Variants in P2RY8 observed in about 807,000 individuals in gnomAD.
P2RY8 encodes P2Y receptor family member 8.
P2RY8 carries 6 observed loss-of-function variants against 10.0 expected under a neutral mutation model. That is an observed-to-expected ratio of 0.60 (90% CI 0.33 to 1.19). P2RY8 has a LOEUF of 1.19. P2RY8 is among the 50% of genes most tolerant of loss of function. The probability of loss-of-function intolerance (pLI) is 0.04; values close to 1 mark genes in which losing one functional copy is unlikely to be tolerated. For synonymous variants in P2RY8, 276 were observed against 252.5 expected (o/e 1.09, Z -0.88); for missense variants, 456 against 542.0 (o/e 0.84, Z 1.58).
chrX:1,493,622 A>C (rs1163963004), intron 1 of P2RY8, among the ~76,000 whole-genome samples: 1 of 152,142 alleles, frequency 6.6e-6, no homozygotes, highest in Non-Finnish European at 1.5e-5. Context: ...AAAGCCAAAG[A>C]CAGGTGTGAA....
rs1173506706 is a variant in P2RY8 at position 1,465,461 on chromosome X, A to G, written c.*18T>C. 1 of 1,581,252 alleles carries G rather than the reference A, an allele frequency of 6.3e-7. No homozygotes were observed. The highest frequency in any genetic ancestry group is 1.1e-5 in the South Asian group (1 of 87,438). Reference sequence around the variant, plus strand: ...CTCCAAGCTGCGCCCCCGGCTCTCCAAGCTGCGCCCCCGGGACTCAGAACA... The same window carrying G: ...CTCCAAGCTGCGCCCCCGGCTCTCCGAGCTGCGCCCCCGGGACTCAGAACA... On this transcript the variant is annotated 3_prime_UTR_variant, in exon 2 of 2. Coordinates refer to ENST00000381297, the MANE Select transcript of P2RY8 (RefSeq NM_178129.5).
At chrX:1,491,331 A>G (rs2092047349) in intron 1 of P2RY8, among the ~76,000 whole-genome samples, 1 of 152,260 alleles carries the variant, frequency 6.6e-6, no homozygotes, top group Non-Finnish European at 1.5e-5. Flanking sequence ...TTAATGAATG[A>G]CATCCGGGGA....
At chrX:1,466,616 G>C in intron 1 of P2RY8, 34 bp from the exon 2 acceptor site, 2 of 1,539,268 alleles carry the variant, frequency 1.3e-6, no homozygotes, top group South Asian at 2.4e-5. Flanking sequence ...GTACGGGTCA[G>C]GGGCGCAGGT....
At chrX:1,532,526 A>G (rs35221651) in intron 1 of P2RY8, among the ~76,000 whole-genome samples, 12,315 of 150,004 alleles carry the variant, frequency 0.082, 710 homozygotes, top group Middle Eastern at 0.14. Flanking sequence ...TATGATGTGT[A>G]TATATATATA....
chrX:1,481,558 T>TTTAGGAGAGTCCAGCTTTGGGA (rs764703699), intron 1 of P2RY8, among the ~76,000 whole-genome samples: 2 of 142,896 alleles, frequency 1.4e-5, no homozygotes, highest in Non-Finnish European at 3.0e-5. Context: ...CAGCTTTGGG[T>TTTAGGAGAGTCCAGCTTTGGGA]TTAGGAGAGT....
At chrX:1,466,679 C>CG (rs1175635404) in intron 1 of P2RY8, 97 bp from the exon 2 acceptor site, 3 of 1,212,638 alleles carry the variant, frequency 2.5e-6, no homozygotes, top group Admixed American at 2.5e-5. Flanking sequence ...GGGACCAAGG[C>CG]GGGGGAGATG....
At position 1,477,034 on chromosome X, in the gene P2RY8, C is replaced by G. The variant is rs749354426; in HGVS notation, c.-24-10452G>C. Among the ~76,000 whole-genome samples, 533 of 151,758 alleles carry G rather than the reference C, an allele frequency of 3.5e-3. 1 individual carries two copies. Among genetic ancestry groups the G allele is most frequent in the African/African-American group, 0.012 (508 of 41,360 alleles). On this transcript the variant is annotated intron_variant, in intron 1 of 1. Transcript: ENST00000381297. ...TGAAGCCCCGTCTCTACTCAAAATA[C>G]AAAAACTAGCCAGGTGTGGTGGCGG...
At chrX:1,473,684 ATGAG>A (rs2091830897) in intron 1 of P2RY8, among the ~76,000 whole-genome samples, 2 of 76,096 alleles carry the variant, frequency 2.6e-5, no homozygotes, top group South Asian at 4.3e-4. Flanking sequence ...GGATGTATAG[ATGAG>A]TAGGTGGATG....
rs1387248879 is a variant in P2RY8, at chrX:1,530,153, GTATGATCTATCTATCTATCTATC to G, written c.-25+6745_-25+6767del. On this transcript the variant is annotated intron_variant, in intron 1 of 1. Coordinates refer to ENST00000381297, the MANE Select transcript of P2RY8 (RefSeq NM_178129.5). Reference sequence around the variant, plus strand: ...TGTATGTATGTATGTATGTATGTATGTATGATCTATCTATCTATCTATCTATCTATCTATCTATCTATCTATCT... The same window carrying G: ...TGTATGTATGTATGTATGTATGTATGTATCTATCTATCTATCTATCTATCT... 6.7e-3 allele frequency among the ~76,000 whole-genome samples: 266 copies of G among 39,536 alleles called. 4 individuals are homozygous for G. The highest frequency in any genetic ancestry group is 0.015 in the East Asian group (12 of 806). 25.9% of individuals were successfully genotyped at this position (39,536 alleles called of 152,430 possible). A position where few individuals can be genotyped will look rare whatever the true frequency, so the allele number is the denominator to read the frequency against.
rs1289493642 is a variant in P2RY8, at chrX:1,465,509, G to A, written c.1050C>T (p.Pro350=). 7 of 1,609,386 alleles carry A rather than the reference G, an allele frequency of 4.3e-6. No homozygotes were observed. Among genetic ancestry groups the A allele is most frequent in the African/African-American group, 1.3e-5 (1 of 74,820 alleles). The change falls in exon 2 of 2, where the codon CCC becomes CCT. Residue 350 remains proline (P), a synonymous_variant. Transcript: ENST00000381297. ...HPEGMEGATR[P]GLQRQESVF is the part of the protein sequence containing the mutation. ...ACACACTCTCCTGCCTCTGGAGGCC[G>A]GGCCTGGTGGCTCCCTCCATCCCTT...
intron 1 of P2RY8, among the ~76,000 whole-genome samples, chrX:1,469,864 A>G (rs1377981646): frequency 1.3e-5 from 2 of 152,014 alleles, no homozygotes; most frequent in Non-Finnish European, 2.9e-5. Context: ...GCACCACTGT[A>G]CTCCATCCAG....
intron 1 of P2RY8, among the ~76,000 whole-genome samples, chrX:1,521,974 T>G (rs749117091): frequency 9.6e-6 from 1 of 104,240 alleles, no homozygotes; most frequent in Admixed American, 9.6e-5. Context: ...TTTTTTGAGA[T>G]GGAGTTTTGC....
chrX:1,488,887 G>T (rs1207753958), intron 1 of P2RY8, among the ~76,000 whole-genome samples: 1 of 152,124 alleles, frequency 6.6e-6, no homozygotes, highest in African/African-American at 2.4e-5. Context: ...TTATGCAAAT[G>T]TGGAGGGAAT....
intron 1 of P2RY8, among the ~76,000 whole-genome samples, chrX:1,517,557 G>T (rs2092360489): frequency 6.6e-6 from 1 of 152,152 alleles, no homozygotes; most frequent in African/African-American, 2.4e-5. Context: ...TGAGGGCTCT[G>T]AGCAAAATGG....
chrX:1,515,345 C>T (rs144216741), intron 1 of P2RY8, among the ~76,000 whole-genome samples: 148 of 151,698 alleles, frequency 9.8e-4, no homozygotes, highest in African/African-American at 3.5e-3. Context: ...CAAACACCTC[C>T]GCAGTCTATT....
intron 1 of P2RY8, among the ~76,000 whole-genome samples, chrX:1,497,238 A>AAAG (rs2092126250): frequency 2.0e-5 from 1 of 50,776 alleles, no homozygotes; most frequent in African/African-American, 4.1e-5. Context: ...AAAAAAAAAG[A>AAAG]AAAGAAAAAG....
chrX:1,465,613 C>T lies in P2RY8; in HGVS notation c.946G>A (p.Asp316Asn), dbSNP rs144968922. 47 of 1,613,330 alleles carry T rather than the reference C, an allele frequency of 2.9e-5. No individual in the cohort carries two copies. In the African/African-American group the frequency reaches 5.2e-4, roughly 18 times the overall value. Reference sequence around the variant, plus strand: ...CTCTCGCGGCGCGTGTCCAGGGTGTCTCTGGGCACCCGGCGGCAGCCCAAA... The same window carrying T: ...CTCTCGCGGCGCGTGTCCAGGGTGTTTCTGGGCACCCGGCGGCAGCCCAAA... The part of the protein sequence containing the change: ...EYLGCRRVPR[D>N]TLDTRRESLF... Residue 316 changes from aspartate to asparagine, a missense_variant, in exon 2 of 2, where the codon GAC becomes AAC. By Grantham distance (23) the Asp-to-Asn change is conservative (BLOSUM62 1). Coordinates refer to ENST00000381297, the MANE Select transcript of P2RY8 (RefSeq NM_178129.5).
At chrX:1,468,122 G>C (rs1334255080) in intron 1 of P2RY8, among the ~76,000 whole-genome samples, 1 of 151,622 alleles carries the variant, frequency 6.6e-6, no homozygotes, top group Non-Finnish European at 1.5e-5. Flanking sequence ...ATTTTCTGTA[G>C]ACATGGGGTT....
intron 1 of P2RY8, among the ~76,000 whole-genome samples, chrX:1,468,767 C>T (rs867906577): frequency 0.034 from 10 of 298 alleles, no homozygotes; most frequent in African/African-American, 0.16. Context: ...TCCCCTCTCC[C>T]CTCTCCCCTC....
Sources: gnomAD v4.1 joint callset for allele counts (sites outside exome capture counted in the v4.1 genomes callset) on GRCh38, gnomAD v4.1.1 for gene constraint, MANE v1.5 for transcripts, NCBI Gene and HGNC (gene_info 2026-07-23, HGNC 2026-07-21) for gene names.